MAF: variants seen among roughly 807,000 people sequenced by gnomAD.
The protein encoded by MAF is transcription factor Maf.
A neutral mutation model predicts 22.0 loss-of-function variants in MAF; 10 were observed. The observed-to-expected ratio is 0.45, with a 90% CI of 0.28 to 0.77. The LOEUF (loss-of-function observed/expected upper bound fraction) is 0.77. Among genes scored for constraint, MAF ranks in the 30% least tolerant of loss-of-function variants. The pLI is 0.12. For missense variants in MAF, 544 were observed against 548.4 expected (o/e 0.99, Z 0.08); for synonymous variants, 337 against 255.8 (o/e 1.32, Z -3.03).
chr16:79,302,990 C>T, the MAF span, among the ~76,000 whole-genome samples: 186 of 152,328 alleles, frequency 1.2e-3, no homozygotes, highest in Middle Eastern at 6.8e-3. Flanking sequence ...CTCGGCACTC[C>T]GGAGTTGCTT....
At chr16:79,564,967 C>G in the MAF span, among the ~76,000 whole-genome samples, 1 of 152,112 alleles carries the variant, frequency 6.6e-6, no homozygotes, top group South Asian at 2.1e-4. Flanking sequence ...GTACCTCGAA[C>G]CTTACACATG....
chr16:79,497,356 T>C, the MAF span, among the ~76,000 whole-genome samples: 1 of 152,190 alleles, frequency 6.6e-6, no homozygotes, highest in Non-Finnish European at 1.5e-5. Context: ...CTGCCATGTA[T>C]GCCCCTCAAC....
At chr16:79,263,944 T>A in the MAF span, among the ~76,000 whole-genome samples, 3 of 152,198 alleles carry the variant, frequency 2.0e-5, no homozygotes, top group Admixed American at 6.5e-5. Context: ...TTCTGGTGGC[T>A]AGATGTTTGT....
At chr16:79,475,017 C>T in the MAF span, among the ~76,000 whole-genome samples, 1 of 152,222 alleles carries the variant, frequency 6.6e-6, no homozygotes, top group Non-Finnish European at 1.5e-5. Flanking sequence ...TTCATTCTGT[C>T]TATCGCTAAC....
the MAF span, among the ~76,000 whole-genome samples, chr16:79,519,194 G>C: frequency 0.053 from 8,090 of 152,146 alleles, 433 homozygotes; most frequent in Admixed American, 0.17. Context: ...TCACTGACTT[G>C]TCCAAGCCCC....
At chr16:79,577,355 G>A in the MAF span, among the ~76,000 whole-genome samples, 8 of 152,274 alleles carry the variant, frequency 5.3e-5, no homozygotes, top group East Asian at 9.6e-4. Flanking sequence ...GGAATCAACT[G>A]GTCGAGATAG....
At chr16:79,597,147 T>C in intron 1 of MAF, 3 of 1,056,984 alleles carry the variant, frequency 2.8e-6, no homozygotes, top group Non-Finnish European at 3.4e-6. Context: ...TTGCAAACTC[T>C]ACCCCCCTTA....
At chr16:79,573,185 G>C in the MAF span, among the ~76,000 whole-genome samples, 1 of 152,202 alleles carries the variant, frequency 6.6e-6, no homozygotes, top group East Asian at 1.9e-4. Context: ...TGACTATCTT[G>C]TGGTTGCAAC....
Position 79,594,050 on chromosome 16 carries a change from A to G in MAF, c.*410T>C, listed in dbSNP as rs1259513727. On this transcript the variant is annotated 3_prime_UTR_variant, in exon 2 of 2. Coordinates refer to ENST00000326043, the MANE Select transcript of MAF (RefSeq NM_005360.5). ...TTTCTTCTTAGTAAAATTATCTGCCAGAGAAACAATGAAGCATGAAAAAGT... is the reference window on the plus strand; with the variant it reads ...TTTCTTCTTAGTAAAATTATCTGCCGGAGAAACAATGAAGCATGAAAAAGT... 1.3e-5 allele frequency: 3 copies of G among 233,672 alleles called. No individual in the cohort carries two copies. Among genetic ancestry groups the G allele is most frequent in the Non-Finnish European group, 2.6e-5 (3 of 117,302 alleles). The allele number at this position is 233,672 out of a possible 1,614,324, so 14.5% of individuals were successfully genotyped here.
the MAF span, among the ~76,000 whole-genome samples, chr16:79,216,909 A>C: frequency 2.6e-5 from 4 of 151,600 alleles, no homozygotes; most frequent in Non-Finnish European, 5.9e-5. Flanking sequence ...TCCGGGGTTC[A>C]AGAGATTCTC....
rs1913853961 is a variant in MAF, at chr16:79,599,471, G to A, written c.432C>T (p.Ala144=). Residue 144 remains alanine (A), a synonymous_variant, in exon 1 of 2, where the codon GCC becomes GCT. Transcript: ENST00000326043. ...TGCCGCCCAAGGAGGCGCCGGCACC[G>A]GCCCCGGCCGCCGCGGCCAGCTGCT... The part of the protein sequence containing the change: ...GAQQLAAAAG[A]GAGASLGGSG... The A allele has an allele frequency of 1.5e-6, 2 of 1,375,148 alleles. No homozygotes were observed. Among genetic ancestry groups the A allele is most frequent in the African/African-American group, 1.5e-5 (1 of 65,212 alleles). 85.2% of individuals were successfully genotyped at this position (1,375,148 alleles called of 1,614,324 possible). A position where few individuals can be genotyped will look rare whatever the true frequency, so the allele number is the denominator to read the frequency against.
chr16:79,212,189 G>GC, the MAF span: 26 of 1,466,702 alleles, frequency 1.8e-5, no homozygotes, highest in Non-Finnish European at 2.2e-5. Flanking sequence ...CCGGGGGCTG[G>GC]CCTTCTCCTA....
intron 1 of MAF, chr16:79,596,171 G>T (rs1051010606): frequency 2.8e-6 from 3 of 1,062,600 alleles, no homozygotes; most frequent in Admixed American, 5.4e-5. Flanking sequence ...GTAGGGCCAT[G>T]CTCAGGAAGC....
At chr16:79,557,522 T>A in the MAF span, among the ~76,000 whole-genome samples, 1 of 152,110 alleles carries the variant, frequency 6.6e-6, no homozygotes, top group Non-Finnish European at 1.5e-5. Context: ...CTACAATTTG[T>A]ACTTCAGCCC....
chr16:79,373,878 AGGTATTCT>A, the MAF span, among the ~76,000 whole-genome samples: 1 of 152,206 alleles, frequency 6.6e-6, no homozygotes, highest in African/African-American at 2.4e-5. Flanking sequence ...ACCCCATTTC[AGGTATTCT>A]GCTATGTGCA....
At chr16:79,349,577 C>T in the MAF span, among the ~76,000 whole-genome samples, 1 of 152,190 alleles carries the variant, frequency 6.6e-6, no homozygotes, top group Non-Finnish European at 1.5e-5. Context: ...TGCTCAGGAA[C>T]ATACGGCCTG....
chr16:79,317,491 G>A, the MAF span, among the ~76,000 whole-genome samples: 3 of 97,552 alleles, frequency 3.1e-5, no homozygotes, highest in Admixed American at 1.4e-4. Flanking sequence ...CCCTCCCTCC[G>A]TTCTCCCTTT....
the MAF span, among the ~76,000 whole-genome samples, chr16:79,543,702 T>TC: frequency 1.3e-5 from 2 of 149,940 alleles, no homozygotes; most frequent in African/African-American, 2.5e-5. Context: ...TTTTTTTTTT[T>TC]CTGAGACGGA....
At chr16:79,239,870 C>G in the MAF span, among the ~76,000 whole-genome samples, 39 of 152,014 alleles carry the variant, frequency 2.6e-4, no homozygotes, top group African/African-American at 9.4e-4. Flanking sequence ...TGAAGAAGCA[C>G]AGCCCTCAAC....
Sources: allele counts gnomAD v4.1 joint callset (sites outside exome capture counted in the v4.1 genomes callset), GRCh38; gene constraint gnomAD v4.1.1; transcripts MANE v1.5; gene names NCBI Gene and HGNC (gene_info 2026-07-23, HGNC 2026-07-21).